The following TOGARAM1 variants were observed in gnomAD, a reference collection of about 807,000 sequenced individuals.
TOGARAM1 encodes TOG array regulator of axonemal microtubules protein 1.
In TOGARAM1, 100 loss-of-function variants were observed where a neutral mutation model predicts 166.6. The observed-to-expected ratio is 0.60, with a 90% confidence interval of 0.51 to 0.71. The LOEUF is 0.71. Among genes scored for constraint, TOGARAM1 ranks in the 30% least tolerant of loss-of-function variants. The pLI, the probability that TOGARAM1 is intolerant of heterozygous loss-of-function variation, is 0.00. For missense variants in TOGARAM1, 2,029 were observed against 2,102.7 expected, an observed-to-expected ratio of 0.96 and a Z score of 0.69; for synonymous variants, 758 against 763.8, an observed-to-expected ratio of 0.99 and a Z score of 0.13.
At chr14:44,983,767 T>A (rs897867079) in intron 1 of TOGARAM1, among the ~76,000 whole-genome samples, 2 of 152,234 alleles carry the variant, frequency 1.3e-5, no homozygotes, top group South Asian at 2.1e-4. Context: ...CTGAAAAGAT[T>A]TAATTTTCTT....
intron 18 of TOGARAM1, among the ~76,000 whole-genome samples, 195 bp from the exon 19 acceptor site, chr14:45,071,517 G>T (rs938864727): frequency 2.0e-5 from 3 of 152,108 alleles, no homozygotes; most frequent in Admixed American, 6.5e-5. Flanking sequence ...AGCCTCCCAA[G>T]TAGCTGGAAT....
intron 7 of TOGARAM1, among the ~76,000 whole-genome samples, chr14:45,024,827 G>C (rs2138899815): frequency 6.6e-6 from 1 of 152,264 alleles, no homozygotes; most frequent in South Asian, 2.1e-4. Context: ...ATTAGCAGTT[G>C]ACAAAACAAT....
At chr14:45,014,290 A>G (rs1879990491) in intron 7 of TOGARAM1, among the ~76,000 whole-genome samples, 1 of 152,144 alleles carries the variant, frequency 6.6e-6, no homozygotes, top group African/African-American at 2.4e-5. Context: ...CGGCCTCCCA[A>G]CAAAGTTGCC....
intron 11 of TOGARAM1, among the ~76,000 whole-genome samples, chr14:45,034,676 T>C (rs1045813245): frequency 2.0e-5 from 3 of 152,188 alleles, no homozygotes; most frequent in Non-Finnish European, 4.4e-5. Flanking sequence ...AACCATAGAC[T>C]GAATGTTAGT....
chr14:45,015,367 TAC>T (rs1880068739), intron 7 of TOGARAM1, among the ~76,000 whole-genome samples: 1 of 150,660 alleles, frequency 6.6e-6, no homozygotes, highest in Admixed American at 6.6e-5. Flanking sequence ...TATACATATA[TAC>T]ACACATCATT....
chr14:45,055,424 G>T (rs577166768), intron 16 of TOGARAM1, among the ~76,000 whole-genome samples: 1 of 152,110 alleles, frequency 6.6e-6, no homozygotes, highest in Non-Finnish European at 1.5e-5. Context: ...TTTTAGACCA[G>T]TACCATGTTG....
At chr14:45,068,178 T>G (rs1340591184) in intron 17 of TOGARAM1, among the ~76,000 whole-genome samples, 1 of 152,182 alleles carries the variant, frequency 6.6e-6, no homozygotes, top group East Asian at 1.9e-4. Flanking sequence ...TTTTTCAGCC[T>G]TTATTAGGAT....
chr14:44,965,619 A>T (rs1173159708), intron 1 of TOGARAM1, among the ~76,000 whole-genome samples: 2 of 152,218 alleles, frequency 1.3e-5, no homozygotes, highest in Non-Finnish European at 2.9e-5. Flanking sequence ...ACAGTACATT[A>T]CATTATGAGG....
intron 5 of TOGARAM1, among the ~76,000 whole-genome samples, chr14:45,008,570 C>T (rs927194876): frequency 1.3e-5 from 2 of 152,148 alleles, no homozygotes; most frequent in Non-Finnish European, 2.9e-5. Flanking sequence ...TCTGTGACAT[C>T]AACTCTGATA....
chr14:44,986,410 C>T (rs565336740), intron 1 of TOGARAM1, among the ~76,000 whole-genome samples: 3 of 152,224 alleles, frequency 2.0e-5, no homozygotes, highest in African/African-American at 7.2e-5. Flanking sequence ...CTACCTCAGC[C>T]TCCCGAGTAG....
intron 1 of TOGARAM1, among the ~76,000 whole-genome samples, chr14:44,979,619 G>T (rs989844282): frequency 2.0e-5 from 3 of 152,172 alleles, no homozygotes; most frequent in African/African-American, 7.2e-5. Flanking sequence ...ATACACAAAG[G>T]TTAAATAACT....
intron 1 of TOGARAM1, among the ~76,000 whole-genome samples, chr14:44,967,416 G>C (rs923177271): frequency 1.3e-5 from 2 of 152,060 alleles, no homozygotes; most frequent in African/African-American, 2.4e-5. Context: ...ACTAAGTAAA[G>C]TTTAAGATTT....
rs373218415 is a variant in TOGARAM1 at position 45,070,010 on chromosome 14, G to A, written c.4969+1367G>A. On this transcript the variant is annotated intron_variant, in intron 18 of 19. Transcript: ENST00000361462. The stretch of plus-strand genomic sequence containing the variant: ...ATCCTGGCTAACATGGTGAAACCCC[G>A]TCTCTACTAAAAATACAAAAAATTA... Among the ~76,000 whole-genome samples the A allele has an allele frequency of 3.2e-4, 49 of 151,942 alleles. 1 individual carries two copies. In the South Asian group the frequency reaches 4.8e-3, roughly 15 times the overall value.
chr14:45,058,695 T>C (rs555501857), intron 16 of TOGARAM1, among the ~76,000 whole-genome samples: 1 of 152,320 alleles, frequency 6.6e-6, no homozygotes, highest in African/African-American at 2.4e-5. Context: ...TTTTATCCAG[T>C]TTGCCAATCT....
At chr14:45,058,513 T>A (rs2138986710) in intron 16 of TOGARAM1, among the ~76,000 whole-genome samples, 1 of 152,290 alleles carries the variant, frequency 6.6e-6, no homozygotes, top group Non-Finnish European at 1.5e-5. Flanking sequence ...CAGGCTGGTA[T>A]TAAACTCCTG....
chr14:45,036,971 A>C (rs1189076751), intron 11 of TOGARAM1, among the ~76,000 whole-genome samples: 1 of 152,214 alleles, frequency 6.6e-6, no homozygotes, highest in Non-Finnish European at 1.5e-5. Context: ...AAAATGAAGC[A>C]AAAGCGGAAA....
At chr14:44,992,730 G>T (rs1202821167) in intron 1 of TOGARAM1, among the ~76,000 whole-genome samples, 2 of 142,230 alleles carry the variant, frequency 1.4e-5, no homozygotes, top group Non-Finnish European at 3.0e-5. Context: ...CCATTCTCCT[G>T]TCTCAGCCTC....
In TOGARAM1 at chr14:44,962,870, A is replaced by T. The variant is rs1315023886; in HGVS notation, c.449A>T (p.Asp150Val). The T allele has an allele frequency of 6.2e-7, 1 of 1,613,840 alleles. No homozygotes were observed. Among genetic ancestry groups the T allele is most frequent in the Non-Finnish European group, 8.5e-7 (1 of 1,180,036 alleles). ...CGAGTGCTTGTGGAAGGAGGTAGTG[A>T]TGAGAAGCGGCTCTGCTTGCAACTT... ...LGRVLVEGGS[D>V]EKRLCLQLLS... The change falls in exon 1 of 20, where the codon GAT becomes GTT. Residue 150 changes from aspartate to valine, a missense_variant. Coordinates refer to ENST00000361462, the MANE Select transcript of TOGARAM1 (RefSeq NM_001308120.2).
chr14:45,056,982 T>C (rs1882671789), intron 16 of TOGARAM1, among the ~76,000 whole-genome samples: 1 of 152,158 alleles, frequency 6.6e-6, no homozygotes, highest in Admixed American at 6.6e-5. Context: ...TTGTTTATTG[T>C]ACATTTGGTA....
Sources: allele counts gnomAD v4.1 joint callset (sites outside exome capture counted in the v4.1 genomes callset), GRCh38; gene constraint gnomAD v4.1.1; transcripts MANE v1.5; gene names NCBI Gene and HGNC (gene_info 2026-07-23, HGNC 2026-07-21).